CCNJL: variants seen among roughly 807,000 people sequenced by gnomAD.
CCNJL encodes cyclin J like.
CCNJL carries 33 observed loss-of-function variants against 33.4 expected under a neutral mutation model. The ratio of observed to expected loss-of-function variants is 0.99; its 90% CI spans 0.75 to 1.32. CCNJL has a LOEUF of 1.32. Among genes scored for constraint, CCNJL ranks in the 40% most tolerant of loss-of-function variants. The probability of loss-of-function intolerance (pLI) is 0.00; values close to 1 mark genes in which losing one functional copy is unlikely to be tolerated. For synonymous variants in CCNJL, 227 were observed against 220.9 expected, an observed-to-expected ratio of 1.03 and a Z score of -0.24; for missense variants, 512 against 499.7, an observed-to-expected ratio of 1.02 and a Z score of -0.23.
At position 160,325,015 on chromosome 5, in the gene CCNJL, T is replaced by C. The variant is rs539900394; in HGVS notation, n.207-9510A>G. Among the ~76,000 whole-genome samples the C allele has an allele frequency of 1.2e-4, 19 of 152,334 alleles. 1 individual carries two copies. The South Asian group carries it at 3.1e-3, about 25-fold the overall frequency. ...ATGGGAACTGGGTTCCAGGCCTGCC[T>C]CTGCCCTAGCTTGCTCTGTGGCCGT... On this transcript the variant is annotated intron_variant and non_coding_transcript_variant, in intron 1 of 7. Coordinates refer to the CCNJL transcript ENST00000377503.
At chr5:160,319,616 G>A (rs759531250) in intron 1 of CCNJL, among the ~76,000 whole-genome samples, 3 of 152,088 alleles carry the variant, frequency 2.0e-5, no homozygotes, top group Non-Finnish European at 4.4e-5. Flanking sequence ...AAAGGACGTC[G>A]TCAATATAGG....
intron 3 of CCNJL, among the ~76,000 whole-genome samples, chr5:160,270,642 G>A (rs1188036001): frequency 2.0e-5 from 3 of 152,138 alleles, no homozygotes; most frequent in Admixed American, 6.6e-5. Flanking sequence ...ACTGAGGCTA[G>A]GATTTACCCT....
At chr5:160,257,642 G>A (rs766191971) in intron 4 of CCNJL, among the ~76,000 whole-genome samples, 3 of 149,996 alleles carry the variant, frequency 2.0e-5, no homozygotes, top group Non-Finnish European at 4.4e-5. Flanking sequence ...GCGAGACCCC[G>A]TTCTCCACAA....
intron 1 of CCNJL, chr5:160,326,860 C>T: frequency 1.4e-6 from 1 of 700,230 alleles, no homozygotes; most frequent in Non-Finnish European, 2.7e-6. Context: ...GTATATGAAC[C>T]TTGTATTAGA....
chr5:160,260,072 T>C (rs1193965846), intron 3 of CCNJL, among the ~76,000 whole-genome samples: 2 of 152,118 alleles, frequency 1.3e-5, no homozygotes, highest in Non-Finnish European at 2.9e-5. Flanking sequence ...AATGGGAAAA[T>C]GCAAACCAAA....
chr5:160,331,560 C>T (rs116192605), intron 1 of CCNJL, among the ~76,000 whole-genome samples: 157 of 152,282 alleles, frequency 1.0e-3, no homozygotes, highest in African/African-American at 2.9e-3. Context: ...TGCTGTCTCA[C>T]CTCCTCTCTT....
chr5:160,299,148 TAA>T (rs200963649), intron 2 of CCNJL, among the ~76,000 whole-genome samples: 7 of 147,032 alleles, frequency 4.8e-5, no homozygotes, highest in African/African-American at 1.9e-4. Context: ...CTAGCTAATT[TAA>T]AAAAAAATTT....
intron 3 of CCNJL, among the ~76,000 whole-genome samples, chr5:160,266,556 C>T (rs1761597137): frequency 6.6e-6 from 1 of 152,142 alleles, no homozygotes; most frequent in African/African-American, 2.4e-5. Context: ...CTCCTGGTAT[C>T]ATTTGTGTGA....
intron 2 of CCNJL, among the ~76,000 whole-genome samples, chr5:160,305,938 T>C (rs376323197): frequency 2.0e-5 from 3 of 152,210 alleles, no homozygotes; most frequent in Non-Finnish European, 4.4e-5. Flanking sequence ...GATCTTTGCA[T>C]AGATTCAGTC....
At chr5:160,320,763 T>TTTTC (rs1220914300) in intron 1 of CCNJL, among the ~76,000 whole-genome samples, 4 of 151,300 alleles carry the variant, frequency 2.6e-5, no homozygotes, top group Non-Finnish European at 4.4e-5. Flanking sequence ...TGCCTCTTTC[T>TTTTC]TTTCTTTCTT....
chr5:160,258,168 T>C (rs1580944962), intron 4 of CCNJL: 1 of 451,602 alleles, frequency 2.2e-6, no homozygotes, highest in Non-Finnish European at 4.1e-6. Flanking sequence ...TGGATACTCA[T>C]GCCCATTTTA....
At chr5:160,268,386 T>C (rs1269110131) in intron 3 of CCNJL, among the ~76,000 whole-genome samples, 1 of 152,224 alleles carries the variant, frequency 6.6e-6, no homozygotes, top group African/African-American at 2.4e-5. Flanking sequence ...CTGTGTTTCC[T>C]CATCTGTGAA....
intron 1 of CCNJL, among the ~76,000 whole-genome samples, chr5:160,329,538 A>G (rs901876711): frequency 6.6e-6 from 1 of 151,858 alleles, no homozygotes; most frequent in Non-Finnish European, 1.5e-5. Context: ...TTTAGTAGAG[A>G]TGGGGTTTCA....
At chr5:160,306,503 G>A (rs1242653662) in intron 2 of CCNJL, among the ~76,000 whole-genome samples, 2 of 152,094 alleles carry the variant, frequency 1.3e-5, no homozygotes, top group Non-Finnish European at 2.9e-5. Context: ...GCTCCCTGGA[G>A]CCCAGGAAGA....
upstream of CCNJL, among the ~76,000 whole-genome samples, chr5:160,317,302 G>C (rs1763391074): frequency 6.6e-6 from 1 of 152,186 alleles, no homozygotes; most frequent in Non-Finnish European, 1.5e-5. Context: ...CAAAGCCTAG[G>C]ACATTCATAA....
chr5:160,311,331 T>C (rs1281115840), intron 2 of CCNJL, among the ~76,000 whole-genome samples: 1 of 152,166 alleles, frequency 6.6e-6, no homozygotes, highest in Non-Finnish European at 1.5e-5. Flanking sequence ...GATATACACA[T>C]AGATACACGT....
At chr5:160,276,523 T>C (rs183672452) in intron 3 of CCNJL, 2 of 152,126 alleles carry the variant, frequency 1.3e-5, no homozygotes, top group South Asian at 2.1e-4. Context: ...TAGACACAAA[T>C]GGTCACATAT....
intron 3 of CCNJL, among the ~76,000 whole-genome samples, chr5:160,271,363 A>T (rs1017063141): frequency 6.6e-6 from 1 of 152,202 alleles, no homozygotes; most frequent in Non-Finnish European, 1.5e-5. Flanking sequence ...AAACAAAAAT[A>T]AAATTAAAAT....
intron 4 of CCNJL, 53 bp from the exon 5 acceptor site, chr5:160,255,761 C>G: frequency 1.3e-6 from 2 of 1,522,910 alleles, no homozygotes; most frequent in East Asian, 4.5e-5. Context: ...CTTGGAATCC[C>G]AGGCCCACCC....
Sources: gnomAD v4.1 joint callset for allele counts (sites outside exome capture counted in the v4.1 genomes callset) on GRCh38, gnomAD v4.1.1 for gene constraint, MANE v1.5 for transcripts, NCBI Gene and HGNC (gene_info 2026-07-23, HGNC 2026-07-21) for gene names.